Variants in GATAD2B observed in about 807,000 individuals in gnomAD.
GATAD2B encodes the protein GATA zinc finger domain containing 2B.
GATAD2B carries 8 observed loss-of-function variants against 64.3 expected under a neutral mutation model. The ratio of observed to expected loss-of-function variants is 0.12; its 90% confidence interval spans 0.07 to 0.22. The LOEUF is 0.22. Ranked by LOEUF, GATAD2B falls within the 10% of genes least tolerant of loss-of-function variation. The pLI, the probability that GATAD2B is intolerant of heterozygous loss-of-function variation, is 1.00. For missense variants in GATAD2B, 453 were observed against 752.0 expected (o/e 0.60, Z 4.65); for synonymous variants, 281 against 271.3 (o/e 1.04, Z -0.35).
At chr1:153,846,244 GTTTGT>G (rs1479176616) in intron 1 of GATAD2B, among the ~76,000 whole-genome samples, 2 of 151,918 alleles carry the variant, frequency 1.3e-5, no homozygotes, top group Non-Finnish European at 2.9e-5. Context: ...TTCTTGCTAT[GTTTGT>G]TTTGAGACAG....
intron 1 of GATAD2B, among the ~76,000 whole-genome samples, chr1:153,864,165 G>T (rs1330937458): frequency 1.3e-5 from 2 of 152,144 alleles, no homozygotes; most frequent in African/African-American, 2.4e-5. Flanking sequence ...AAAACATGTT[G>T]TAAGTGATAC....
At chr1:153,884,941 G>A (rs984633533) in intron 1 of GATAD2B, among the ~76,000 whole-genome samples, 6 of 151,884 alleles carry the variant, frequency 4.0e-5, no homozygotes, top group Non-Finnish European at 7.4e-5. Flanking sequence ...ATTTTTAGTA[G>A]AGACAGGGTT....
intron 8 of GATAD2B, among the ~76,000 whole-genome samples, chr1:153,813,035 T>C (rs990996082): frequency 2.0e-5 from 3 of 152,206 alleles, no homozygotes; most frequent in Non-Finnish European, 4.4e-5. Context: ...AGTCCCAAGC[T>C]TTCTGTCCCT....
intron 1 of GATAD2B, among the ~76,000 whole-genome samples, chr1:153,883,948 A>G (rs1677084298): frequency 6.6e-6 from 1 of 152,076 alleles, no homozygotes; most frequent in South Asian, 2.1e-4. Context: ...CAGCTAAATC[A>G]TACTCACCCA....
intron 2 of GATAD2B, among the ~76,000 whole-genome samples, chr1:153,824,178 C>T (rs2101887735): frequency 6.6e-6 from 1 of 152,300 alleles, no homozygotes; most frequent in African/African-American, 2.4e-5. Flanking sequence ...ACTCAGGAAG[C>T]CAAGTGGGGA....
intron 1 of GATAD2B, among the ~76,000 whole-genome samples, chr1:153,855,298 A>C (rs1261518961): frequency 6.6e-6 from 1 of 151,648 alleles, no homozygotes; most frequent in Non-Finnish European, 1.5e-5. Flanking sequence ...GCAAGATCTC[A>C]GCTCACTGTA....
intron 1 of GATAD2B, among the ~76,000 whole-genome samples, chr1:153,862,448 T>C (rs1281457650): frequency 6.6e-6 from 1 of 152,020 alleles, no homozygotes; most frequent in Non-Finnish European, 1.5e-5. Flanking sequence ...TCTTATGTGA[T>C]CCTCATAACA....
intron 7 of GATAD2B, among the ~76,000 whole-genome samples, chr1:153,813,835 G>A (rs947649109): frequency 1.3e-5 from 2 of 152,134 alleles, no homozygotes; most frequent in African/African-American, 4.8e-5. Context: ...AAAATTAGGC[G>A]GGCGTGGTGG....
intron 1 of GATAD2B, chr1:153,853,332 G>T (rs1675970797): frequency 2.7e-6 from 2 of 748,244 alleles, no homozygotes; most frequent in African/African-American, 1.7e-5. Context: ...AGGACATGGG[G>T]TCATATGTGG....
chr1:153,879,239 CAATT>C (rs1676934832), intron 1 of GATAD2B, among the ~76,000 whole-genome samples: 1 of 151,552 alleles, frequency 6.6e-6, no homozygotes, highest in Non-Finnish European at 1.5e-5. Context: ...CACACCTGGC[CAATT>C]TTTTTATTTT....
At chr1:153,875,512 A>C (rs1401780443) in intron 1 of GATAD2B, among the ~76,000 whole-genome samples, 1 of 152,076 alleles carries the variant, frequency 6.6e-6, no homozygotes. Context: ...TCTGTAAAGG[A>C]CCAGATAATA....
intron 1 of GATAD2B, among the ~76,000 whole-genome samples, chr1:153,851,303 AG>A (rs1675889474): frequency 6.6e-6 from 1 of 152,230 alleles, no homozygotes; most frequent in Non-Finnish European, 1.5e-5. Context: ...ATAAATATCT[AG>A]AAGCATGATT....
At chr1:153,891,524 C>G (rs1263390856) in intron 1 of GATAD2B, among the ~76,000 whole-genome samples, 2 of 132,166 alleles carry the variant, frequency 1.5e-5, no homozygotes, top group Non-Finnish European at 3.1e-5. Flanking sequence ...GAGCTGAGAT[C>G]GTGCCACTGC....
intron 1 of GATAD2B, among the ~76,000 whole-genome samples, chr1:153,858,541 G>A (rs1237289601): frequency 2.0e-5 from 3 of 152,062 alleles, no homozygotes; most frequent in South Asian, 4.1e-4. Flanking sequence ...GGAGGTCAAG[G>A]CTGCAGTGAG....
Position 153,860,842 on chromosome 1 carries a change from A to G in GATAD2B, c.-1-32494T>C, listed in dbSNP as rs182290875. Among the ~76,000 whole-genome samples the G allele has an allele frequency of 7.9e-4, 120 of 151,902 alleles. 1 individual carries two copies. The highest frequency in any genetic ancestry group is 2.7e-3 in the African/African-American group (111 of 41,428). On this transcript the variant is annotated intron_variant, in intron 1 of 10. Transcript: ENST00000368655. ...CACATGGCTAATTTTTGGTAGAGAC[A>G]GGTCTTGCTATGTTGCTGAGGCTGC...
chr1:153,820,191 G>C (rs532487727), intron 2 of GATAD2B, among the ~76,000 whole-genome samples: 1 of 151,698 alleles, frequency 6.6e-6, no homozygotes, highest in South Asian at 2.1e-4. Context: ...TGAGGGAATA[G>C]TGCCAAGAAT....
At chr1:153,918,145 C>G (rs1301781947) in intron 1 of GATAD2B, among the ~76,000 whole-genome samples, 1 of 152,102 alleles carries the variant, frequency 6.6e-6, no homozygotes, top group Non-Finnish European at 1.5e-5. Flanking sequence ...GACAGCCGAT[C>G]AAAAATGGAA....
At chr1:153,896,812 G>A (rs1022062422) in intron 1 of GATAD2B, among the ~76,000 whole-genome samples, 5 of 152,130 alleles carry the variant, frequency 3.3e-5, no homozygotes, top group African/African-American at 1.2e-4. Context: ...GAGTTCAGGA[G>A]ATCATGCTAT....
intron 1 of GATAD2B, among the ~76,000 whole-genome samples, chr1:153,877,298 A>C (rs902362324): frequency 5.3e-5 from 8 of 151,844 alleles, no homozygotes; most frequent in Non-Finnish European, 7.4e-5. Flanking sequence ...TGCTATGATC[A>C]CACTACTGCA....
Sources: allele counts gnomAD v4.1 joint callset (sites outside exome capture counted in the v4.1 genomes callset), GRCh38; gene constraint gnomAD v4.1.1; transcripts MANE v1.5; gene names NCBI Gene and HGNC (gene_info 2026-07-23, HGNC 2026-07-21).